Variants in HSD17B12 observed in about 807,000 individuals in gnomAD.
The protein encoded by HSD17B12 is very-long-chain 3-oxoacyl-CoA reductase.
HSD17B12 carries 32 observed loss-of-function variants against 39.3 expected under a neutral mutation model. That is an observed-to-expected ratio of 0.81 (90% CI 0.61 to 1.09). The LOEUF is 1.09. Ranked by LOEUF, HSD17B12 falls within the 50% of genes least tolerant of loss-of-function variation. HSD17B12 has a pLI of 0.00. For synonymous variants in HSD17B12, 150 were observed against 146.7 expected (o/e 1.02, Z -0.16); for missense variants, 342 against 382.9 (o/e 0.89, Z 0.89).
At chr11:43,600,617 A>G in the HSD17B12 span, among the ~76,000 whole-genome samples, 4,643 of 152,222 alleles carry the variant, frequency 0.031, 246 homozygotes, top group African/African-American at 0.1. Context: ...TATTTCTAGA[A>G]TCCAAGGTGC....
chr11:43,695,157 A>C (rs911117113), intron 1 of HSD17B12, among the ~76,000 whole-genome samples: 11 of 151,864 alleles, frequency 7.2e-5, no homozygotes, highest in African/African-American at 2.4e-4. Flanking sequence ...CATTTTGGGA[A>C]ACACTGGACT....
At chr11:43,823,680 T>C (rs1951204355) in intron 6 of HSD17B12, among the ~76,000 whole-genome samples, 1 of 152,192 alleles carries the variant, frequency 6.6e-6, no homozygotes, top group East Asian at 1.9e-4. Flanking sequence ...GAATCCTACC[T>C]GGGCCTCGCA....
Position 43,698,727 on chromosome 11 carries a change from A to G in HSD17B12, c.160+17740A>G, listed in dbSNP as rs1390232335. Among the ~76,000 whole-genome samples the G allele has an allele frequency of 1.3e-5, 2 of 152,218 alleles. 1 individual carries two copies. The highest frequency in any genetic ancestry group is 3.8e-4 in the East Asian group (2 of 5,196). ...GGAAGCGTGGTAGAAAGTACAAAGC[A>G]TTATGCACATACAAGGCACTGGGCC... is the stretch of plus-strand genomic sequence containing the variant. On this transcript the variant is annotated intron_variant, in intron 1 of 10. Coordinates refer to ENST00000278353, the MANE Select transcript of HSD17B12 (RefSeq NM_016142.3).
chr11:43,602,377 G>A, the HSD17B12 span, among the ~76,000 whole-genome samples: 1 of 152,164 alleles, frequency 6.6e-6, no homozygotes, highest in Non-Finnish European at 1.5e-5. Context: ...TTAGAATCAA[G>A]GTACAGTGTG....
At chr11:43,744,283 A>C (rs929655975) in intron 1 of HSD17B12, among the ~76,000 whole-genome samples, 1 of 152,138 alleles carries the variant, frequency 6.6e-6, no homozygotes, top group Admixed American at 6.5e-5. Context: ...GAGTGGAAAA[A>C]CACCCACTCA....
intron 3 of HSD17B12, among the ~76,000 whole-genome samples, chr11:43,771,782 T>A (rs149485547): frequency 6.6e-6 from 1 of 152,230 alleles, no homozygotes. Context: ...TTCTTGATAG[T>A]CTCTTTCTCA....
At chr11:43,567,437 C>T in the HSD17B12 span, among the ~76,000 whole-genome samples, 776 of 152,306 alleles carry the variant, frequency 5.1e-3, 5 homozygotes, top group African/African-American at 0.018. Context: ...AGAACCGGGT[C>T]CAGGTCCTGT....
chr11:43,742,123 A>G (rs1950371337), intron 1 of HSD17B12, among the ~76,000 whole-genome samples: 1 of 108,942 alleles, frequency 9.2e-6, no homozygotes, highest in Admixed American at 8.8e-5. Context: ...ATATATATAT[A>G]TATATATATA....
chr11:43,656,245 T>TC, the HSD17B12 span, among the ~76,000 whole-genome samples: 1 of 150,978 alleles, frequency 6.6e-6, no homozygotes, highest in Non-Finnish European at 1.5e-5. Context: ...TGGGATCATT[T>TC]CCCCCCTTTG....
At chr11:43,614,222 T>A in the HSD17B12 span, among the ~76,000 whole-genome samples, 3 of 152,206 alleles carry the variant, frequency 2.0e-5, no homozygotes, top group East Asian at 5.8e-4. Context: ...TGGCTATCTT[T>A]AAAAGTCTTT....
the HSD17B12 span, among the ~76,000 whole-genome samples, chr11:43,586,976 G>T: frequency 9.7e-4 from 147 of 152,270 alleles, no homozygotes; most frequent in African/African-American, 3.5e-3. Context: ...AGATTGGGAG[G>T]AAGAAAAATG....
the HSD17B12 span, among the ~76,000 whole-genome samples, chr11:43,592,628 C>T: frequency 2.6e-5 from 4 of 152,132 alleles, no homozygotes; most frequent in Non-Finnish European, 2.9e-5. Flanking sequence ...TGTACTATTG[C>T]ATACATCCTT....
rs61646858 is a variant in HSD17B12, at chr11:43,690,361, CATATATATATATATAT to C, written c.160+9403_160+9418del. ...ATATCTGTTAAGTAAGGTATTCATA[CATATATATATATATAT>C]ATATATATATATATATATATATATA... On this transcript the variant is annotated intron_variant, in intron 1 of 10. Transcript: ENST00000278353. 1.3e-3 allele frequency among the ~76,000 whole-genome samples: 51 copies of C among 39,424 alleles called. 7 individuals are homozygous for C. Among genetic ancestry groups the C allele is most frequent in the Non-Finnish European group, 1.1e-3 (25 of 23,778 alleles). The allele number at this position is 39,424 out of a possible 152,430, so 25.9% of individuals were successfully genotyped here.
intron 3 of HSD17B12, among the ~76,000 whole-genome samples, chr11:43,759,762 T>C (rs1950540587): frequency 6.6e-6 from 1 of 152,062 alleles, no homozygotes; most frequent in Non-Finnish European, 1.5e-5. Flanking sequence ...GAGTCTTACT[T>C]TGTCACGCAG....
chr11:43,726,340 G>C (rs1466819504), intron 1 of HSD17B12, among the ~76,000 whole-genome samples: 1 of 152,092 alleles, frequency 6.6e-6, no homozygotes, highest in Non-Finnish European at 1.5e-5. Flanking sequence ...GGATAGAGTG[G>C]GTGAGGAAAT....
At chr11:43,616,470 C>T in the HSD17B12 span, among the ~76,000 whole-genome samples, 2 of 143,464 alleles carry the variant, frequency 1.4e-5, no homozygotes, top group African/African-American at 2.5e-5. Flanking sequence ...TCATTTAAAA[C>T]TTAAAACAAA....
chr11:43,773,471 C>G (rs1365123284), intron 3 of HSD17B12, among the ~76,000 whole-genome samples: 3 of 152,184 alleles, frequency 2.0e-5, no homozygotes, highest in African/African-American at 4.8e-5. Flanking sequence ...AACTCCTGAC[C>G]TCAGTGATCC....
At chr11:43,681,047 G>T in intron 1 of HSD17B12, 60 bp downstream of exon 1, 1 of 1,490,470 alleles carries the variant, frequency 6.7e-7, no homozygotes, top group Non-Finnish European at 8.9e-7. Flanking sequence ...GGCCTGGGCC[G>T]TGATGACTAG....
chr11:43,590,482 A>T, the HSD17B12 span, among the ~76,000 whole-genome samples: 3 of 117,048 alleles, frequency 2.6e-5, no homozygotes, highest in East Asian at 2.5e-4. Context: ...TAGTTTTACC[A>T]TTTATTTTGT....
Sources: gnomAD v4.1 joint callset for allele counts (sites outside exome capture counted in the v4.1 genomes callset) on GRCh38, gnomAD v4.1.1 for gene constraint, MANE v1.5 for transcripts, NCBI Gene and HGNC (gene_info 2026-07-23, HGNC 2026-07-21) for gene names.